The following PCSK6 variants were observed in gnomAD, a reference collection of about 807,000 sequenced individuals.
PCSK6 encodes the protein paired basic amino acid cleaving enzyme 4.
Under a neutral mutation model 123.3 loss-of-function variants are expected in PCSK6, and 85 were observed. The observed-to-expected ratio is 0.69, with a 90% CI of 0.58 to 0.83. The LOEUF is 0.83. Ranked by LOEUF, PCSK6 falls within the 40% of genes least tolerant of loss-of-function variation. PCSK6 has a pLI of 0.00. For missense variants in PCSK6, 1,191 were observed against 1,282.3 expected (o/e 0.93, Z 1.09); for synonymous variants, 508 against 516.0 (o/e 0.98, Z 0.21).
intron 1 of PCSK6, among the ~76,000 whole-genome samples, chr15:101,457,989 G>A (rs893977056): frequency 6.6e-6 from 1 of 152,152 alleles, no homozygotes; most frequent in Non-Finnish European, 1.5e-5. Flanking sequence ...GACATCTGGT[G>A]TCTGCAATAC....
intron 6 of PCSK6, among the ~76,000 whole-genome samples, chr15:101,412,705 AT>A (rs61523736): frequency 0.02 from 2,912 of 143,990 alleles, 214 homozygotes; most frequent in African/African-American, 0.07. Flanking sequence ...ATATATATAT[AT>A]ATATATAAAA....
Position 101,443,647 on chromosome 15 carries a change from T to C in PCSK6, c.311A>G (p.Glu104Gly). 6.2e-7 allele frequency: 1 copy of C among 1,613,266 alleles called. No individual in the cohort carries two copies. Among genetic ancestry groups the C allele is most frequent in the Non-Finnish European group, 8.5e-7 (1 of 1,179,248 alleles). ...GCTGTGATAAAAATGGTAGTAATCT[T>C]CCAGGTTTCCAATCTGCAAGACAAG... ...YLNLGQIGNL[E>G]DYYHFYHSKT... Residue 104 changes from glutamate to glycine, a missense_variant, in exon 2 of 22, where the codon GAA (glutamate) becomes GGA (glycine). Around this residue, in one of 3 missense-constraint regions of PCSK6, gnomAD observed 204 missense variants for 166.4 expected, o/e 1.23. Coordinates refer to ENST00000611716, the MANE Select transcript of PCSK6 (RefSeq NM_002570.5).
At chr15:101,432,756 G>A (rs1259981659) in intron 2 of PCSK6, among the ~76,000 whole-genome samples, 1 of 152,160 alleles carries the variant, frequency 6.6e-6, no homozygotes. Context: ...TTGTCCTGAA[G>A]AAAAAGGAAA....
chr15:101,427,886 C>A lies in PCSK6; in HGVS notation c.823+6G>T. 6.4e-7 allele frequency: 1 copy of A among 1,561,422 alleles called. No homozygotes were observed. The highest frequency in any genetic ancestry group is 8.7e-7 in the Non-Finnish European group (1 of 1,151,744). On this transcript the variant is annotated splice_donor_region_variant and intron_variant, in intron 6 of 21. Coordinates refer to ENST00000611716, the MANE Select transcript of PCSK6 (RefSeq NM_002570.5). Reference sequence around the variant, plus strand: ...TCGGCTCGCAGGCTGCCACGCCCGGCCTTACCTCCTATTTTGGCATTGTAC... The same window carrying A: ...TCGGCTCGCAGGCTGCCACGCCCGGACTTACCTCCTATTTTGGCATTGTAC...
Position 101,345,686 on chromosome 15 carries a change from G to C in PCSK6, c.1859-13655C>G, listed in dbSNP as rs147114601. 9.0e-3 allele frequency among the ~76,000 whole-genome samples: 1,362 copies of C among 151,762 alleles called. 23 individuals carry two copies. Among genetic ancestry groups the C allele is most frequent in the African/African-American group, 0.031 (1,294 of 41,428 alleles). On this transcript the variant is annotated intron_variant, in intron 13 of 21. Coordinates refer to ENST00000611716, the MANE Select transcript of PCSK6 (RefSeq NM_002570.5). ...GGGAATTTTCTTTTTTCTTTTTTTT[G>C]AGACGGAGTCTCGTTCTGTCATCCA... is the stretch of plus-strand genomic sequence containing the variant.
intron 1 of PCSK6, among the ~76,000 whole-genome samples, chr15:101,448,212 G>A (rs143076260): frequency 2.0e-4 from 31 of 152,234 alleles, no homozygotes; most frequent in African/African-American, 6.3e-4. Flanking sequence ...TTTACTCAAC[G>A]TTGATAGGCG....
At chr15:101,333,932 T>C (rs1351703040) in intron 13 of PCSK6, among the ~76,000 whole-genome samples, 1 of 152,216 alleles carries the variant, frequency 6.6e-6, no homozygotes, top group Non-Finnish European at 1.5e-5. Flanking sequence ...ACTGGCTAAG[T>C]ACTAGGTTGC....
rs181495969 is a variant in PCSK6, at chr15:101,363,714, C to T, written c.1858+2482G>A. Among the ~76,000 whole-genome samples, 492 of 151,958 alleles carry T rather than the reference C, an allele frequency of 3.2e-3. 4 individuals carry two copies. The highest frequency in any genetic ancestry group is 0.011 in the African/African-American group (464 of 41,460). The stretch of plus-strand genomic sequence containing the variant: ...GTGCGATCTCGGCTCACTGTAAGCT[C>T]CGCCTCCCGGGTTCAAGCCATTCTC... On this transcript the variant is annotated intron_variant, in intron 13 of 21. Coordinates refer to ENST00000611716, the MANE Select transcript of PCSK6 (RefSeq NM_002570.5).
intron 6 of PCSK6, among the ~76,000 whole-genome samples, chr15:101,410,266 G>C (rs1162168372): frequency 6.6e-6 from 1 of 152,160 alleles, no homozygotes. Flanking sequence ...CAGCAGGAAG[G>C]GCTTGCCATG....
chr15:101,343,995 G>GT (rs2040675913), intron 13 of PCSK6, among the ~76,000 whole-genome samples: 1 of 152,058 alleles, frequency 6.6e-6, no homozygotes, highest in Admixed American at 6.6e-5. Flanking sequence ...AGAATCACTT[G>GT]TATGTGGGAG....
Position 101,428,876 on chromosome 15 carries a change from T to C in PCSK6, c.735-896A>G, listed in dbSNP as rs114095214. On this transcript the variant is annotated intron_variant, in intron 5 of 21. Transcript: ENST00000611716. Reference sequence around the variant, plus strand: ...GATGGCTCGGGATGGGATTGAATCCTGCCCTTCAAGGGTCACTGCGTGGTA... The same window carrying C: ...GATGGCTCGGGATGGGATTGAATCCCGCCCTTCAAGGGTCACTGCGTGGTA... 4.9e-3 allele frequency among the ~76,000 whole-genome samples: 751 copies of C among 152,312 alleles called. 4 individuals are homozygous for C. The highest frequency in any genetic ancestry group is 0.017 in the African/African-American group (711 of 41,578).
intron 2 of PCSK6, among the ~76,000 whole-genome samples, chr15:101,440,048 A>G (rs1292114299): frequency 6.6e-6 from 1 of 152,224 alleles, no homozygotes; most frequent in African/African-American, 2.4e-5. Context: ...TAATCAGAAC[A>G]AGTAATTTTA....
Position 101,305,513 on chromosome 15 carries a change from G to C in PCSK6, c.2813-158C>G. On this transcript the variant is annotated intron_variant, in intron 21 of 21. Transcript: ENST00000611716. The surrounding 1 kb of genome is among the most constrained non-coding windows in gnomAD (Gnocchi z 4.8). ...ACCTGAGGTCAGGAGCTTGAGACCAGTCTAACCAACATGGTGAAACCCCGT... is the reference window on the plus strand; with the variant it reads ...ACCTGAGGTCAGGAGCTTGAGACCACTCTAACCAACATGGTGAAACCCCGT... 1.7e-6 allele frequency: 1 copy of C among 598,834 alleles called. No individual in the cohort carries two copies. The highest frequency in any genetic ancestry group is 3.0e-6 in the Non-Finnish European group (1 of 330,212). 37.1% of individuals were successfully genotyped at this position (598,834 alleles called of 1,614,324 possible).
At chr15:101,340,985 G>A (rs2040591181) in intron 13 of PCSK6, among the ~76,000 whole-genome samples, 1 of 149,882 alleles carries the variant, frequency 6.7e-6, no homozygotes, top group African/African-American at 2.5e-5. Flanking sequence ...ACCCAGGCTG[G>A]AGTGTAGTGG....
intron 3 of PCSK6, 33 bp downstream of exon 3, chr15:101,431,957 T>C (rs1447766459): frequency 6.7e-7 from 1 of 1,482,532 alleles, no homozygotes; most frequent in Non-Finnish European, 9.4e-7. Context: ...AGTGCAAGTG[T>C]CCTGGGGCAG....
chr15:101,424,456 T>C (rs375622996), intron 6 of PCSK6, among the ~76,000 whole-genome samples: 2 of 151,970 alleles, frequency 1.3e-5, no homozygotes, highest in African/African-American at 2.4e-5. Context: ...TCAGATAAAA[T>C]TGGAGAGAAT....
At chr15:101,335,368 C>A (rs1328134139) in intron 13 of PCSK6, among the ~76,000 whole-genome samples, 1 of 152,096 alleles carries the variant, frequency 6.6e-6, no homozygotes, top group African/African-American at 2.4e-5. Flanking sequence ...GTTGTATGGT[C>A]AAAAAACCCC....
intron 13 of PCSK6, among the ~76,000 whole-genome samples, chr15:101,338,847 G>T (rs967418972): frequency 6.6e-6 from 1 of 152,204 alleles, no homozygotes; most frequent in African/African-American, 2.4e-5. Flanking sequence ...CAACAATGAA[G>T]GCCAGGGAAT....
At chr15:101,339,242 C>T (rs1387921034) in intron 13 of PCSK6, among the ~76,000 whole-genome samples, 2 of 152,120 alleles carry the variant, frequency 1.3e-5, no homozygotes, top group African/African-American at 4.8e-5. Flanking sequence ...AAGTTATTAA[C>T]AATATAGAGT....
Sources: allele counts gnomAD v4.1 joint callset (sites outside exome capture counted in the v4.1 genomes callset), GRCh38; gene constraint gnomAD v4.1.1; regional missense constraint gnomAD v4.1.1; non-coding constraint Gnocchi (gnomAD v3.1); transcripts MANE v1.5; gene names NCBI Gene and HGNC (gene_info 2026-07-23, HGNC 2026-07-21).